The following FGF14 variants were observed in gnomAD, a reference collection of about 807,000 sequenced individuals.
FGF14 encodes the protein fibroblast growth factor 14.
Under a neutral mutation model 25.5 loss-of-function variants are expected in FGF14, and 5 were observed. The observed-to-expected ratio is 0.20, with a 90% CI of 0.10 to 0.41. The LOEUF is 0.41. Ranked by LOEUF, FGF14 falls within the 10% of genes least tolerant of loss-of-function variation. The pLI is 1.00. For missense variants in FGF14, 222 were observed against 320.1 expected (o/e 0.69, Z 2.34); for synonymous variants, 138 against 118.3 (o/e 1.17, Z -1.08).
intron 3 of FGF14, among the ~76,000 whole-genome samples, chr13:101,845,431 A>G (rs1010965101): frequency 3.9e-5 from 6 of 152,028 alleles, no homozygotes; most frequent in African/African-American, 1.2e-4. Flanking sequence ...GACTTCTAAT[A>G]TGGCCATTTA....
chr13:102,258,560 C>T (rs2052560352), intron 1 of FGF14, among the ~76,000 whole-genome samples: 1 of 152,076 alleles, frequency 6.6e-6, no homozygotes, highest in African/African-American at 2.4e-5. Flanking sequence ...TATTTATTGC[C>T]CCCATACCTT....
intron 1 of FGF14, among the ~76,000 whole-genome samples, chr13:102,350,205 C>T (rs1056049282): frequency 1.3e-5 from 2 of 151,922 alleles, no homozygotes; most frequent in African/African-American, 4.8e-5. Flanking sequence ...TCCGTCTCTA[C>T]AAAAAAATTA....
chr13:101,981,082 A>AACAC (rs58666555), intron 1 of FGF14, among the ~76,000 whole-genome samples: 7,500 of 123,662 alleles, frequency 0.061, 332 homozygotes, highest in Admixed American at 0.087. Flanking sequence ...TCTCTACTAA[A>AACAC]ACACACACAC....
intron 1 of FGF14, among the ~76,000 whole-genome samples, chr13:102,235,513 G>A (rs1413217839): frequency 6.6e-6 from 1 of 152,148 alleles, no homozygotes; most frequent in Non-Finnish European, 1.5e-5. Context: ...ATCCTTAGCT[G>A]ATTCGTGCGC....
chr13:101,907,860 T>A (rs1179437157), intron 1 of FGF14, among the ~76,000 whole-genome samples: 1 of 152,070 alleles, frequency 6.6e-6, no homozygotes, highest in African/African-American at 2.4e-5. Context: ...GTAGGAGAGA[T>A]GGTCTAATGC....
intron 1 of FGF14, among the ~76,000 whole-genome samples, chr13:102,060,440 G>C (rs2042631637): frequency 6.6e-6 from 1 of 152,096 alleles, no homozygotes; most frequent in Non-Finnish European, 1.5e-5. Flanking sequence ...GCCAGAGAAT[G>C]GCATGAACCC....
At chr13:101,924,129 GA>G (rs893652120) in intron 1 of FGF14, among the ~76,000 whole-genome samples, 7 of 151,732 alleles carry the variant, frequency 4.6e-5, no homozygotes, top group African/African-American at 1.7e-4. Flanking sequence ...TACCTCAACA[GA>G]AAAAAAATTA....
intron 1 of FGF14, among the ~76,000 whole-genome samples, chr13:101,971,172 C>T (rs1440429118): frequency 6.6e-6 from 1 of 151,928 alleles, no homozygotes; most frequent in South Asian, 2.1e-4. Flanking sequence ...AGTGATGTTT[C>T]CAGTTACTTA....
chr13:102,342,295 T>C (rs1359054513), intron 1 of FGF14, among the ~76,000 whole-genome samples: 1 of 152,172 alleles, frequency 6.6e-6, no homozygotes, highest in Non-Finnish European at 1.5e-5. Context: ...ATTAACGTGC[T>C]ACTGGAATGA....
chr13:101,760,769 T>A (rs1432632095), intron 3 of FGF14, among the ~76,000 whole-genome samples: 1 of 152,182 alleles, frequency 6.6e-6, no homozygotes, highest in Non-Finnish European at 1.5e-5. Flanking sequence ...ATTACTTTAT[T>A]TTTCTCTTCC....
At chr13:102,118,992 C>A (rs918250901) in intron 1 of FGF14, among the ~76,000 whole-genome samples, 2 of 152,014 alleles carry the variant, frequency 1.3e-5, no homozygotes, top group South Asian at 2.1e-4. Context: ...CTCCTACAAC[C>A]CCTAATGAAT....
chr13:102,029,927 A>T (rs2041126631), intron 1 of FGF14, among the ~76,000 whole-genome samples: 1 of 152,098 alleles, frequency 6.6e-6, no homozygotes, highest in South Asian at 2.1e-4. Flanking sequence ...AGGAGGAAGC[A>T]ATAGAGAAAT....
chr13:101,976,871 G>A (rs371437790), intron 1 of FGF14, among the ~76,000 whole-genome samples: 6 of 152,324 alleles, frequency 3.9e-5, no homozygotes, highest in African/African-American at 1.4e-4. Context: ...GCATACTGCT[G>A]TGTTTCCTTC....
chr13:101,940,471 T>C (rs2035375881), intron 1 of FGF14, among the ~76,000 whole-genome samples: 1 of 152,232 alleles, frequency 6.6e-6, no homozygotes, highest in African/African-American at 2.4e-5. Flanking sequence ...CTTTCCATTC[T>C]TCAAACATGA....
intron 3 of FGF14, among the ~76,000 whole-genome samples, chr13:101,733,191 A>T (rs559152115): frequency 6.6e-6 from 1 of 152,202 alleles, no homozygotes; most frequent in African/African-American, 2.4e-5. Context: ...ATAAAGTTGT[A>T]TGTAGTCAAA....
chr13:102,171,051 A>G (rs1281575698), intron 1 of FGF14, among the ~76,000 whole-genome samples: 2 of 152,188 alleles, frequency 1.3e-5, no homozygotes, highest in Non-Finnish European at 2.9e-5. Context: ...AGCAAAAATG[A>G]AACTATAGGA....
chr13:102,213,014 G>A (rs2050222665), intron 1 of FGF14, among the ~76,000 whole-genome samples: 1 of 152,148 alleles, frequency 6.6e-6, no homozygotes, highest in Non-Finnish European at 1.5e-5. Flanking sequence ...TTTACATACT[G>A]TGGCAACTGC....
chr13:102,127,977 C>T (rs920941426), intron 1 of FGF14, among the ~76,000 whole-genome samples: 1 of 152,174 alleles, frequency 6.6e-6, no homozygotes, highest in African/African-American at 2.4e-5. Flanking sequence ...CATCTCGCAG[C>T]GGTGGGGAAG....
chr13:102,132,597 G>T (rs931144913), intron 1 of FGF14, among the ~76,000 whole-genome samples: 12 of 151,636 alleles, frequency 7.9e-5, no homozygotes, highest in Non-Finnish European at 1.5e-4. Context: ...TGCCTCCTGG[G>T]TTCAAGCAAT....
Sources: allele counts gnomAD v4.1 joint callset (sites outside exome capture counted in the v4.1 genomes callset), GRCh38; gene constraint gnomAD v4.1.1; transcripts MANE v1.5; gene names NCBI Gene and HGNC (gene_info 2026-07-23, HGNC 2026-07-21).